MTMR10: variants seen among roughly 807,000 people sequenced by gnomAD.
MTMR10 encodes the protein myotubularin-related protein 10.
MTMR10 carries 56 observed loss-of-function variants against 88.1 expected under a neutral mutation model. That is an observed-to-expected ratio of 0.64 (90% CI 0.51 to 0.79). The LOEUF (loss-of-function observed/expected upper bound fraction) is 0.79, where lower values mean the gene tolerates loss of function less well. Ranked by LOEUF, MTMR10 falls within the 30% of genes least tolerant of loss-of-function variation. The probability of loss-of-function intolerance (pLI) is 0.00; values close to 1 mark genes in which losing one functional copy is unlikely to be tolerated. For missense variants in MTMR10, 883 were observed against 924.7 expected (o/e 0.95, Z 0.58); for synonymous variants, 380 against 340.9 (o/e 1.11, Z -1.26).
chr15:30,925,000 T>G, the MTMR10 span: 3 of 903,060 alleles, frequency 3.3e-6, no homozygotes, highest in Non-Finnish European at 5.0e-6. Context: ...TCTCTAGAAG[T>G]GCTGTTTGCT....
chr15:30,986,056 G>A (rs1329684599), intron 2 of MTMR10, among the ~76,000 whole-genome samples: 1 of 152,026 alleles, frequency 6.6e-6, no homozygotes, highest in African/African-American at 2.4e-5. Flanking sequence ...GTGGCTCACG[G>A]CTATAATCCC....
At chr15:30,945,260 A>G (rs943293183) in intron 14 of MTMR10, among the ~76,000 whole-genome samples, 4 of 152,320 alleles carry the variant, frequency 2.6e-5, no homozygotes, top group Non-Finnish European at 5.9e-5. Flanking sequence ...TCATGTTAGT[A>G]TTTGTCAGAA....
chr15:30,943,321 G>A (rs1377070399), intron 14 of MTMR10: 1 of 985,154 alleles, frequency 1.0e-6, no homozygotes, highest in African/African-American at 1.7e-5. Context: ...AGGAAGCCGT[G>A]CCCTTTGGGC....
intron 10 of MTMR10, 67 bp from the exon 11 acceptor site, chr15:30,953,698 G>T: frequency 9.8e-7 from 1 of 1,017,014 alleles, no homozygotes; most frequent in Non-Finnish European, 1.4e-6. Flanking sequence ...AGAGTAAAGA[G>T]ATACATCAGT....
rs749557796 is a variant in MTMR10 at position 30,941,608 on chromosome 15, C to T, written c.2196G>A (p.Pro732=). Residue 732 remains proline, a synonymous_variant, in exon 16 of 16, where the codon CCG becomes CCA. Coordinates refer to ENST00000435680, the MANE Select transcript of MTMR10 (RefSeq NM_017762.3). ...GPHHTDTSGT[P]EFLSSSFPFS... is the part of the protein sequence containing the mutation. ...ATGGAAATGAGGAGGAGAGAAACTC[C>T]GGTGTCCCCGAGGTGTCGGTGTGGT... 1.6e-5 allele frequency: 26 copies of T among 1,600,156 alleles called. No individual in the cohort carries two copies. The highest frequency in any genetic ancestry group is 1.2e-4 in the South Asian group (11 of 89,448).
chr15:30,926,859 C>T, the MTMR10 span: 15 of 985,412 alleles, frequency 1.5e-5, no homozygotes, highest in East Asian at 1.1e-4. Flanking sequence ...TGATTAAAAT[C>T]GATGCCGTGA....
In MTMR10 at chr15:30,939,159, TC is replaced by T. The variant is rs1449668336; in HGVS notation, c.*2310del. The T allele has an allele frequency of 2.0e-6, 2 of 985,224 alleles. No homozygotes were observed. The highest frequency in any genetic ancestry group is 3.5e-5 in the African/African-American group (2 of 57,230). 61.0% of individuals were successfully genotyped at this position (985,224 alleles called of 1,614,324 possible). On this transcript the variant is annotated 3_prime_UTR_variant, in exon 16 of 16. Coordinates refer to ENST00000435680, the MANE Select transcript of MTMR10 (RefSeq NM_017762.3). ...TGACAAATGTGAACAGCTTTCACCCTCTGTTAGTACAAATTAATATCCTTTC... is the reference window on the plus strand; with the variant it reads ...TGACAAATGTGAACAGCTTTCACCCTTGTTAGTACAAATTAATATCCTTTC...
chr15:30,926,054 A>G, the MTMR10 span: 1 of 1,061,362 alleles, frequency 9.4e-7, no homozygotes, highest in Non-Finnish European at 1.4e-6. Flanking sequence ...TCACAGTGGA[A>G]GATGCTGTGG....
At chr15:30,936,258 T>G (rs2062850366), downstream of MTMR10, among the ~76,000 whole-genome samples, 1 of 152,190 alleles carries the variant, frequency 6.6e-6, no homozygotes, top group Non-Finnish European at 1.5e-5. Context: ...CTTAGAGCTG[T>G]GACCTCTCCA....
intron 6 of MTMR10, among the ~76,000 whole-genome samples, chr15:30,961,427 G>A (rs971414714): frequency 1.3e-5 from 2 of 152,040 alleles, no homozygotes; most frequent in Non-Finnish European, 2.9e-5. Context: ...TTTTAATAGA[G>A]ACAGGGTTTC....
chr15:30,942,429 T>C (rs2063086656), intron 15 of MTMR10: 1 of 323,156 alleles, frequency 3.1e-6, no homozygotes, highest in South Asian at 5.7e-5. Context: ...GGAGGCCAAA[T>C]GTCTGATTCT....
downstream of MTMR10, chr15:30,938,931 G>A (rs758460775): frequency 1.0e-6 from 1 of 985,284 alleles, no homozygotes; most frequent in Non-Finnish European, 1.2e-6. Context: ...ATTTCATACT[G>A]ACAACAACAA....
chr15:30,942,254 T>C (rs2063079578), intron 15 of MTMR10, 182 bp from the exon 16 acceptor site: 14 of 754,196 alleles, frequency 1.9e-5, no homozygotes, highest in Non-Finnish European at 3.0e-5. Flanking sequence ...CACTTTTTTA[T>C]GTGTTGACTC....
intron 6 of MTMR10, among the ~76,000 whole-genome samples, chr15:30,964,482 C>T (rs1436634303): frequency 1.3e-5 from 2 of 152,154 alleles, no homozygotes; most frequent in African/African-American, 4.8e-5. Context: ...CCATTTCTCT[C>T]GTTCAAATCC....
intron 3 of MTMR10, among the ~76,000 whole-genome samples, chr15:30,976,009 T>C (rs1437096242): frequency 1.3e-5 from 2 of 151,176 alleles, no homozygotes; most frequent in Admixed American, 1.3e-4. Context: ...GAACATAAAA[T>C]AGCAAGAGGG....
chr15:30,942,080 G>A lies in MTMR10; in HGVS notation c.1732-8C>T. On this transcript the variant is annotated splice_polypyrimidine_tract_variant and splice_region_variant and intron_variant, in intron 15 of 15. Coordinates refer to ENST00000435680, the MANE Select transcript of MTMR10 (RefSeq NM_017762.3). ...TGTGGAGCTGTAGCTTTTCTATACA[G>A]AAGAGATTTTATTATGTTCCGGGGA... is the stretch of plus-strand genomic sequence containing the variant. 1.2e-6 allele frequency: 2 copies of A among 1,606,660 alleles called. No individual in the cohort carries two copies. Among genetic ancestry groups the A allele is most frequent in the Non-Finnish European group, 1.7e-6 (2 of 1,175,458 alleles).
At chr15:30,926,724 G>A in the MTMR10 span, 18 of 985,338 alleles carry the variant, frequency 1.8e-5, no homozygotes, top group South Asian at 4.7e-5. Context: ...CCCGAGAGAC[G>A]TGGAAACTGG....
intron 14 of MTMR10, among the ~76,000 whole-genome samples, chr15:30,946,017 CA>C (rs2063166163): frequency 6.6e-6 from 1 of 152,162 alleles, no homozygotes. Context: ...CTGGGTTCCC[CA>C]AAAGTGGCAA....
chr15:30,978,929 T>A (rs995509807), intron 2 of MTMR10, among the ~76,000 whole-genome samples: 2 of 152,020 alleles, frequency 1.3e-5, no homozygotes, highest in African/African-American at 4.8e-5. Flanking sequence ...ACTGAGTAAT[T>A]CAAATACATA....
Sources: gnomAD v4.1 joint callset for allele counts (sites outside exome capture counted in the v4.1 genomes callset) on GRCh38, gnomAD v4.1.1 for gene constraint, MANE v1.5 for transcripts, NCBI Gene and HGNC (gene_info 2026-07-23, HGNC 2026-07-21) for gene names.